Variants in PTPRN2 observed in about 807,000 individuals in gnomAD.
PTPRN2 encodes the protein receptor-type tyrosine-protein phosphatase N2.
Under a neutral mutation model 118.8 loss-of-function variants are expected in PTPRN2, and 74 were observed. That is an observed-to-expected ratio of 0.62 (90% CI 0.52 to 0.76). The LOEUF (loss-of-function observed/expected upper bound fraction) is 0.76. PTPRN2 is among the 30% of genes least tolerant of loss of function. The pLI, the probability that PTPRN2 is intolerant of heterozygous loss-of-function variation, is 0.00. For missense variants in PTPRN2, 1,481 were observed against 1,394.4 expected (o/e 1.06, Z -0.99); for synonymous variants, 641 against 608.0 (o/e 1.05, Z -0.80).
intron 9 of PTPRN2, among the ~76,000 whole-genome samples, chr7:158,128,412 AT>A (rs368601500): frequency 0.025 from 3,725 of 150,970 alleles, 129 homozygotes; most frequent in African/African-American, 0.08. Context: ...TAACATGATG[AT>A]TTTTTTTTTC....
At chr7:157,923,428 GA>G (rs1445229227) in intron 11 of PTPRN2, among the ~76,000 whole-genome samples, 1 of 152,228 alleles carries the variant, frequency 6.6e-6, no homozygotes, top group African/African-American at 2.4e-5. Flanking sequence ...CTGGCCTGTG[GA>G]GGGGAGCTCT....
chr7:158,380,842 G>A (rs1488598636), intron 2 of PTPRN2, among the ~76,000 whole-genome samples: 1 of 152,254 alleles, frequency 6.6e-6, no homozygotes, highest in Non-Finnish European at 1.5e-5. Context: ...AATCTATGCA[G>A]AGGTTCCCAA....
chr7:158,145,091 ACGGC>A (rs1291985730), intron 6 of PTPRN2, among the ~76,000 whole-genome samples: 202 of 149,156 alleles, frequency 1.4e-3, no homozygotes, highest in Middle Eastern at 3.6e-3. Context: ...CCAGAATACC[ACGGC>A]TCGGCAAGGT....
intron 4 of PTPRN2, among the ~76,000 whole-genome samples, chr7:158,203,827 T>C (rs944963949): frequency 6.6e-6 from 1 of 152,236 alleles, no homozygotes; most frequent in Non-Finnish European, 1.5e-5. Context: ...TGGTGGGTTT[T>C]TGTTTGGTTT....
chr7:158,074,115 T>G (rs113159447), intron 11 of PTPRN2, among the ~76,000 whole-genome samples: 3,052 of 151,784 alleles, frequency 0.02, 85 homozygotes, highest in African/African-American at 0.068. Flanking sequence ...CAGGGAAGAG[T>G]AATACTTGGG....
At chr7:157,858,123 A>G (rs1463526233) in intron 12 of PTPRN2, among the ~76,000 whole-genome samples, 1 of 73,490 alleles carries the variant, frequency 1.4e-5, no homozygotes, top group Admixed American at 1.4e-4. Flanking sequence ...CCCAGCCACC[A>G]CCCACACTCC....
At chr7:157,754,643 G>A (rs1413050697) in intron 12 of PTPRN2, among the ~76,000 whole-genome samples, 2 of 150,658 alleles carry the variant, frequency 1.3e-5, no homozygotes, top group African/African-American at 2.4e-5. Context: ...TGCCCAGTCT[G>A]GGGGGGCCCT....
chr7:157,782,192 G>T (rs980161606), intron 12 of PTPRN2, among the ~76,000 whole-genome samples: 2 of 152,254 alleles, frequency 1.3e-5, no homozygotes, highest in African/African-American at 4.8e-5. Flanking sequence ...GGCCACAGAG[G>T]TGTGCAGTGC....
chr7:158,287,154 C>A (rs146881298), intron 3 of PTPRN2, among the ~76,000 whole-genome samples: 27 of 152,264 alleles, frequency 1.8e-4, no homozygotes, highest in Admixed American at 6.5e-4. Flanking sequence ...GTCTCATGGT[C>A]CCTTACATTT....
chr7:158,512,930 G>A (rs534873029), intron 1 of PTPRN2, among the ~76,000 whole-genome samples: 1 of 152,306 alleles, frequency 6.6e-6, no homozygotes, highest in South Asian at 2.1e-4. Context: ...AACATAAAGT[G>A]TTGAATAAAT....
intron 12 of PTPRN2, among the ~76,000 whole-genome samples, chr7:157,722,679 G>A (rs112801448): frequency 2.0e-5 from 3 of 152,192 alleles, no homozygotes; most frequent in South Asian, 2.1e-4. Context: ...GTGCAGCCGG[G>A]GGGGACAGGG....
At chr7:158,363,461 T>C (rs927923313) in intron 2 of PTPRN2, among the ~76,000 whole-genome samples, 9 of 152,130 alleles carry the variant, frequency 5.9e-5, no homozygotes, top group Admixed American at 2.0e-4. Flanking sequence ...CAGCTCTGAA[T>C]TCATTCTCTG....
intron 6 of PTPRN2, among the ~76,000 whole-genome samples, chr7:158,154,943 G>A (rs1400003722): frequency 3.3e-5 from 5 of 152,212 alleles, no homozygotes; most frequent in Non-Finnish European, 7.3e-5. Flanking sequence ...GAGGAAGTAT[G>A]TTTTGCAGCA....
intron 11 of PTPRN2, among the ~76,000 whole-genome samples, chr7:158,016,046 C>A (rs1305142158): frequency 6.6e-6 from 1 of 152,138 alleles, no homozygotes; most frequent in Admixed American, 6.5e-5. Flanking sequence ...GCCTGACACC[C>A]GCTGTTTTTC....
chr7:158,423,485 C>T (rs1279742660), intron 2 of PTPRN2, among the ~76,000 whole-genome samples: 1 of 152,096 alleles, frequency 6.6e-6, no homozygotes, highest in Non-Finnish European at 1.5e-5. Context: ...AATGTCTCAA[C>T]GAAAATGTTC....
intron 13 of PTPRN2, 62 bp downstream of exon 13, chr7:157,682,663 C>A: frequency 2.0e-6 from 3 of 1,487,570 alleles, no homozygotes; most frequent in Non-Finnish European, 2.8e-6. Flanking sequence ...GAGAGGAACG[C>A]CATCATCTGC....
chr7:158,045,018 G>A (rs890261853), intron 11 of PTPRN2, among the ~76,000 whole-genome samples: 1 of 152,322 alleles, frequency 6.6e-6, no homozygotes, highest in Admixed American at 6.5e-5. Context: ...ATATTTTACA[G>A]AAAGCCTTTC....
At chr7:157,778,381 G>A (rs971906270) in intron 12 of PTPRN2, among the ~76,000 whole-genome samples, 3 of 151,898 alleles carry the variant, frequency 2.0e-5, no homozygotes, top group African/African-American at 7.3e-5. Context: ...ACATGTCCAC[G>A]TGAATACAGG....
At chr7:157,889,244 C>G (rs1456643915) in intron 12 of PTPRN2, among the ~76,000 whole-genome samples, 3 of 150,754 alleles carry the variant, frequency 2.0e-5, no homozygotes, top group Non-Finnish European at 3.0e-5. Flanking sequence ...GTTACCCGCC[C>G]CCATCATTAA....
Sources: allele counts gnomAD v4.1 joint callset (sites outside exome capture counted in the v4.1 genomes callset), GRCh38; gene constraint gnomAD v4.1.1; transcripts MANE v1.5; gene names NCBI Gene and HGNC (gene_info 2026-07-23, HGNC 2026-07-21).